The following ZDHHC23 variants were observed in gnomAD, a reference collection of about 807,000 sequenced individuals.
ZDHHC23 encodes zDHHC palmitoyltransferase 23, also known as palmitoyltransferase ZDHHC23.
A neutral mutation model predicts 40.2 loss-of-function variants in ZDHHC23; 41 were observed. That is an observed-to-expected ratio of 1.02 (90% CI 0.79 to 1.32). ZDHHC23 has a LOEUF of 1.32. Among genes scored for constraint, ZDHHC23 ranks in the 40% most tolerant of loss-of-function variants. ZDHHC23 has a pLI of 0.00. For synonymous variants in ZDHHC23, 204 were observed against 210.2 expected, an observed-to-expected ratio of 0.97 and a Z score of 0.26; for missense variants, 471 against 541.5, an observed-to-expected ratio of 0.87 and a Z score of 1.29.
chr3:113,954,978 G>A (rs996211817), intron 3 of ZDHHC23, among the ~76,000 whole-genome samples: 3 of 152,176 alleles, frequency 2.0e-5, no homozygotes, highest in South Asian at 2.1e-4. Flanking sequence ...AGTAACAAAC[G>A]AAGGTACATA....
At chr3:113,955,391 T>TGTGCGCGCGC (rs58421915) in intron 3 of ZDHHC23, among the ~76,000 whole-genome samples, 2 of 149,060 alleles carry the variant, frequency 1.3e-5, no homozygotes, top group African/African-American at 5.0e-5. Flanking sequence ...TGTGTGTGTG[T>TGTGCGCGCGC]GCGTGTGTGT....
chr3:113,972,057 A>T, the ZDHHC23 span, among the ~76,000 whole-genome samples: 1 of 152,022 alleles, frequency 6.6e-6, no homozygotes, highest in East Asian at 1.9e-4. Flanking sequence ...TGAGTCAGAA[A>T]AAGTCTCAAT....
rs753291711 is a variant in ZDHHC23, at chr3:113,958,420, C to G, written c.1098C>G (p.Ala366=). The part of the protein sequence containing the change: ...WYSVIITAGM[A]YIFLIQLINI... ...CTGTGATCATCACAGCAGGCATGGC[C>G]TACATCTTCCTGATCCAGCTGATCA... Residue 366 remains alanine (A), a synonymous_variant, in exon 5 of 5, where the codon GCC becomes GCG. Coordinates refer to ENST00000638807, the MANE Select transcript of ZDHHC23 (RefSeq NM_001320466.2). 1.9e-6 allele frequency: 3 copies of G among 1,614,094 alleles called. No individual in the cohort carries two copies. The African/African-American group carries it at 4.0e-5, about 22-fold the overall frequency.
chr3:113,948,964 G>A lies in ZDHHC23; in HGVS notation c.161+1G>A, dbSNP rs199761322. ...AAGATCTGGATGAAGGGTGTGATCGGTAAGAACAGAGCATTTCTTGACGCT... is the reference window on the plus strand; with the variant it reads ...AAGATCTGGATGAAGGGTGTGATCGATAAGAACAGAGCATTTCTTGACGCT... On this transcript the variant is annotated splice_donor_variant, in intron 2 of 4. Coordinates refer to ENST00000638807, the MANE Select transcript of ZDHHC23 (RefSeq NM_001320466.2). LOFTEE classifies it high-confidence loss of function. The A allele has an allele frequency of 1.2e-6, 2 of 1,614,124 alleles. No individual in the cohort carries two copies. Among genetic ancestry groups the A allele is most frequent in the Non-Finnish European group, 1.7e-6 (2 of 1,180,038 alleles).
chr3:113,951,525 G>A (rs1273913774), intron 2 of ZDHHC23, among the ~76,000 whole-genome samples: 1 of 152,194 alleles, frequency 6.6e-6, no homozygotes, highest in Non-Finnish European at 1.5e-5. Context: ...CAGAATGTAG[G>A]GAGCAGAGAC....
At chr3:113,951,967 G>A (rs1164963328) in intron 2 of ZDHHC23, among the ~76,000 whole-genome samples, 1 of 151,978 alleles carries the variant, frequency 6.6e-6, no homozygotes, top group East Asian at 1.9e-4. Flanking sequence ...GAGAAACCCC[G>A]TCTCTACTAA....
intron 4 of ZDHHC23, among the ~76,000 whole-genome samples, chr3:113,957,101 AT>A (rs940703553): frequency 1.3e-5 from 2 of 152,040 alleles, no homozygotes; most frequent in African/African-American, 4.8e-5. Context: ...GATTGTGAAG[AT>A]TTCCAGGCCA....
At chr3:113,966,694 C>T (rs1940209906), downstream of ZDHHC23, among the ~76,000 whole-genome samples, 1 of 152,076 alleles carries the variant, frequency 6.6e-6, no homozygotes, top group African/African-American at 2.4e-5. Context: ...TTTGTTCTGG[C>T]CTCTTGACCA....
Position 113,948,730 on chromosome 3 carries a change from G to A in ZDHHC23, c.-73G>A. 7 of 1,567,984 alleles carry A rather than the reference G, an allele frequency of 4.5e-6. No individual in the cohort carries two copies. The highest frequency in any genetic ancestry group is 6.1e-6 in the Non-Finnish European group (7 of 1,144,726). ...GAGAGAGAGGCGTGGACCTATTTAC[G>A]AGATGTAAGTTGTGTTCTTTCCACC... On this transcript the variant is annotated 5_prime_UTR_variant, in exon 2 of 5. Coordinates refer to ENST00000638807, the MANE Select transcript of ZDHHC23 (RefSeq NM_001320466.2).
chr3:113,959,491 T>C lies in ZDHHC23; in HGVS notation c.*861T>C. On this transcript the variant is annotated 3_prime_UTR_variant, in exon 5 of 5. Transcript: ENST00000638807. ...TATAAATAACTCCAACAGGCATTCATGTGTTTTTCCTCTTCCCATGTTTCA... is the reference window on the plus strand; with the variant it reads ...TATAAATAACTCCAACAGGCATTCACGTGTTTTTCCTCTTCCCATGTTTCA... 2 of 1,276,114 alleles carry C rather than the reference T, an allele frequency of 1.6e-6. No homozygotes were observed. The highest frequency in any genetic ancestry group is 2.0e-6 in the Non-Finnish European group (2 of 978,036). 79.0% of individuals were successfully genotyped at this position (1,276,114 alleles called of 1,614,324 possible).
chr3:113,963,747 CAAAA>C (rs145785717), downstream of ZDHHC23, among the ~76,000 whole-genome samples: 1 of 151,234 alleles, frequency 6.6e-6, no homozygotes, highest in African/African-American at 2.4e-5. Flanking sequence ...TGTCTCAAAA[CAAAA>C]AAAACACAGA....
At chr3:113,952,535 C>A (rs957072385) in intron 2 of ZDHHC23, among the ~76,000 whole-genome samples, 1 of 152,226 alleles carries the variant, frequency 6.6e-6, no homozygotes, top group African/African-American at 2.4e-5. Context: ...CCAGCATGCA[C>A]TTCCACACTC....
chr3:113,957,513 T>G, intron 4 of ZDHHC23: 1 of 369,326 alleles, frequency 2.7e-6, no homozygotes, highest in Non-Finnish European at 5.3e-6. Context: ...GCACAGCATG[T>G]CTGTGCACTC....
At chr3:113,965,006 G>A (rs1255274625), downstream of ZDHHC23, 2 of 452,774 alleles carry the variant, frequency 4.4e-6, no homozygotes, top group African/African-American at 4.0e-5. Flanking sequence ...TCAAAGAAGG[G>A]AATAAAAATT....
At chr3:113,955,835 T>A (rs529710774) in intron 3 of ZDHHC23, among the ~76,000 whole-genome samples, 1 of 152,328 alleles carries the variant, frequency 6.6e-6, no homozygotes, top group East Asian at 1.9e-4. Flanking sequence ...ATGATTCCAC[T>A]TTGCGAAGAG....
Position 113,960,705 on chromosome 3 carries a change from A to G in ZDHHC23, c.*2075A>G. The stretch of plus-strand genomic sequence containing the variant: ...GGAATGATGACAATTTTTTTTAACA[A>G]CTTACCTCTAATAGGGTTACTTGGA... On this transcript the variant is annotated 3_prime_UTR_variant, in exon 5 of 5. Coordinates refer to ENST00000638807, the MANE Select transcript of ZDHHC23 (RefSeq NM_001320466.2). The G allele has an allele frequency of 6.2e-7, 1 of 1,604,950 alleles. No homozygotes were observed. Among genetic ancestry groups the G allele is most frequent in the Non-Finnish European group, 8.5e-7 (1 of 1,176,556 alleles).
Position 113,959,930 on chromosome 3 carries a change from A to G in ZDHHC23, c.*1300A>G, listed in dbSNP as rs552805923. On this transcript the variant is annotated 3_prime_UTR_variant, in exon 5 of 5. Transcript: ENST00000638807. ...AAACCGAAAATGTATAAAAGATTAA[A>G]TATTTATGTACAATGGGTTGTTCTA... 2 of 997,932 alleles carry G rather than the reference A, an allele frequency of 2.0e-6. No individual in the cohort carries two copies. The highest frequency in any genetic ancestry group is 5.3e-5 in the Admixed American group (1 of 18,982). 61.8% of individuals were successfully genotyped at this position (997,932 alleles called of 1,614,324 possible). A position where few individuals can be genotyped will look rare whatever the true frequency, so the allele number is the denominator to read the frequency against.
At chr3:113,977,971 C>CT in the ZDHHC23 span, among the ~76,000 whole-genome samples, 1 of 152,050 alleles carries the variant, frequency 6.6e-6, no homozygotes, top group Non-Finnish European at 1.5e-5. Flanking sequence ...AAAGGGCAGG[C>CT]CTCCTCCTCC....
the ZDHHC23 span, among the ~76,000 whole-genome samples, chr3:113,971,117 T>A: frequency 6.6e-6 from 1 of 152,202 alleles, no homozygotes; most frequent in African/African-American, 2.4e-5. Flanking sequence ...TATTTCTAGT[T>A]CTAGATCCCT....
Sources: gnomAD v4.1 joint callset for allele counts (sites outside exome capture counted in the v4.1 genomes callset) on GRCh38, gnomAD v4.1.1 for gene constraint, MANE v1.5 for transcripts, NCBI Gene and HGNC (gene_info 2026-07-23, HGNC 2026-07-21) for gene names.